Variants in COL11A1 observed in about 807,000 individuals in gnomAD.
COL11A1 encodes collagen type XI alpha 1 chain, also known as collagen alpha-1(XI) chain.
In COL11A1, 74 loss-of-function variants were observed where a neutral mutation model predicts 265.2. That is an observed-to-expected ratio of 0.28 (90% confidence interval 0.23 to 0.34). The LOEUF is 0.34. Among genes scored for constraint, COL11A1 ranks in the 10% least tolerant of loss-of-function variants. The probability of loss-of-function intolerance (pLI) is 1.00; values close to 1 mark genes in which losing one functional copy is unlikely to be tolerated. For missense variants in COL11A1, 2,165 were observed against 2,263.6 expected (o/e 0.96, Z 0.88); for synonymous variants, 816 against 727.6 (o/e 1.12, Z -1.96).
intron 44 of COL11A1, among the ~76,000 whole-genome samples, chr1:102,936,161 G>T (rs1658120761): frequency 6.6e-6 from 1 of 150,730 alleles, no homozygotes; most frequent in Non-Finnish European, 1.5e-5. Context: ...TTGAATATGT[G>T]TCTTTTCATA....
At chr1:102,933,872 C>A (rs542465312) in intron 46 of COL11A1, among the ~76,000 whole-genome samples, 1 of 152,316 alleles carries the variant, frequency 6.6e-6, no homozygotes, top group East Asian at 1.9e-4. Context: ...TCCGTCACCC[C>A]TTTCTTTGAC....
intron 5 of COL11A1, among the ~76,000 whole-genome samples, chr1:103,028,121 C>G (rs953553188): frequency 6.6e-6 from 1 of 152,056 alleles, no homozygotes; most frequent in Non-Finnish European, 1.5e-5. Context: ...ACCTCCACCT[C>G]CCGGGTTCAA....
rs754910566 is a variant in COL11A1, at chr1:102,970,208, A to T, written c.2862+11T>A. ...ATGGAAATTTTTAATAAGAGTAACA[A>T]GGTCACTTACAGTCTCCCCACGTTG... On this transcript the variant is annotated intron_variant, in intron 37 of 66. Coordinates refer to ENST00000370096, the MANE Select transcript of COL11A1 (RefSeq NM_001854.4). The T allele has an allele frequency of 1.9e-6, 3 of 1,611,414 alleles. No individual in the cohort carries two copies. The highest frequency in any genetic ancestry group is 2.7e-5 in the African/African-American group (2 of 74,876).
At chr1:102,910,767 C>G (rs1283674342) in intron 54 of COL11A1, among the ~76,000 whole-genome samples, 1 of 151,936 alleles carries the variant, frequency 6.6e-6, no homozygotes, top group South Asian at 2.1e-4. Flanking sequence ...ACACAATTTG[C>G]CCAACGTAAT....
intron 41 of COL11A1, among the ~76,000 whole-genome samples, chr1:102,947,212 T>C (rs1659385186): frequency 1.3e-5 from 2 of 151,696 alleles, no homozygotes. Context: ...ATTAGATGTA[T>C]TTAATATTTA....
intron 62 of COL11A1, 24 bp from the exon 63 acceptor site, chr1:102,887,080 C>A: frequency 6.2e-7 from 1 of 1,613,008 alleles, no homozygotes; most frequent in Non-Finnish European, 8.5e-7. Flanking sequence ...AATGTGAGTG[C>A]AATTGTTTCA....
intron 4 of COL11A1, among the ~76,000 whole-genome samples, chr1:103,041,527 G>A (rs567665482): frequency 1.1e-3 from 173 of 151,586 alleles, no homozygotes; most frequent in Non-Finnish European, 1.9e-3. Context: ...TTTAAAAATA[G>A]TCCCTTATTT....
At position 102,896,480 on chromosome 1, in the gene COL11A1, A is replaced by G. The variant is rs1341085806; in HGVS notation, c.4302+1645T>C. 3.3e-5 allele frequency among the ~76,000 whole-genome samples: 5 copies of G among 152,268 alleles called. No homozygotes were observed. In the South Asian group the frequency reaches 6.2e-4, roughly 19 times the overall value. ...AAGACCAAGTAGCATTTTCATTGAGATTACATATCACAAGTCAAGACTAAT... is the reference window on the plus strand; with the variant it reads ...AAGACCAAGTAGCATTTTCATTGAGGTTACATATCACAAGTCAAGACTAAT... On this transcript the variant is annotated intron_variant, in intron 57 of 66. Coordinates refer to ENST00000370096, the MANE Select transcript of COL11A1 (RefSeq NM_001854.4).
chr1:103,098,077 A>G (rs1367727928), intron 1 of COL11A1, among the ~76,000 whole-genome samples: 2 of 152,014 alleles, frequency 1.3e-5, no homozygotes, highest in Non-Finnish European at 2.9e-5. Flanking sequence ...TGTTAAAAAA[A>G]AGATGTATTA....
At chr1:102,933,609 G>T (rs939770535) in intron 46 of COL11A1, among the ~76,000 whole-genome samples, 1 of 152,170 alleles carries the variant, frequency 6.6e-6, no homozygotes, top group Non-Finnish European at 1.5e-5. Flanking sequence ...GAGCTGTGGT[G>T]GGCTCCACCC....
chr1:102,883,416 T>C, intron 63 of COL11A1, 105 bp from the exon 64 acceptor site: 1 of 762,536 alleles, frequency 1.3e-6, no homozygotes, highest in Non-Finnish European at 2.3e-6. Flanking sequence ...AAATACATAT[T>C]AATAGATCTT....
At chr1:103,055,735 A>G (rs1670193002) in intron 4 of COL11A1, among the ~76,000 whole-genome samples, 1 of 152,216 alleles carries the variant, frequency 6.6e-6, no homozygotes, top group African/African-American at 2.4e-5. Flanking sequence ...ACTAGCTTTC[A>G]TTAGTCTTAG....
chr1:102,995,879 T>G lies in COL11A1; in HGVS notation c.2325A>C (p.Gly775=), dbSNP rs779348315. The change falls in exon 28 of 67, where the codon GGA becomes GGC. Residue 775 remains glycine (G), a synonymous_variant. Transcript: ENST00000370096. The stretch of plus-strand genomic sequence containing the variant: ...TAAATTTTACCTTTTCACCTTTAGA[T>G]CCCTTGAGACCTCTGACACCATCTG... ...KGADGVRGLK[G]SKGEKGEDGF... 3.7e-5 allele frequency: 59 copies of G among 1,610,590 alleles called. 1 individual carries two copies. The South Asian group carries it at 6.2e-4, about 17-fold the overall frequency.
At chr1:103,006,943 C>T (rs1040240756) in intron 15 of COL11A1, among the ~76,000 whole-genome samples, 1 of 152,190 alleles carries the variant, frequency 6.6e-6, no homozygotes, top group Non-Finnish European at 1.5e-5. Flanking sequence ...GGAACACACT[C>T]TTAACTATCC....
chr1:102,938,683 T>A (rs1309804444), intron 44 of COL11A1, among the ~76,000 whole-genome samples: 1 of 152,084 alleles, frequency 6.6e-6, no homozygotes, highest in African/African-American at 2.4e-5. Context: ...TGGGAATAAG[T>A]GACCAATTTG....
chr1:103,085,528 CTT>C (rs10715378), intron 1 of COL11A1, among the ~76,000 whole-genome samples: 2 of 150,464 alleles, frequency 1.3e-5, no homozygotes, highest in Admixed American at 6.6e-5. Context: ...TGGGAACGGA[CTT>C]TTTTTTTTTC....
intron 18 of COL11A1, 137 bp downstream of exon 18, chr1:103,005,701 C>A: frequency 6.6e-6 from 6 of 909,988 alleles, no homozygotes; most frequent in Non-Finnish European, 1.0e-5. Flanking sequence ...TATTTTCCTT[C>A]TAGTATCTAT....
At chr1:103,063,683 T>C (rs1170211815) in intron 4 of COL11A1, among the ~76,000 whole-genome samples, 1 of 152,146 alleles carries the variant, frequency 6.6e-6, no homozygotes, top group Non-Finnish European at 1.5e-5. Context: ...CAAAGATATA[T>C]TCCATGAAAG....
intron 15 of COL11A1, among the ~76,000 whole-genome samples, chr1:103,006,596 G>A (rs937529168): frequency 2.4e-5 from 3 of 124,114 alleles, no homozygotes; most frequent in East Asian, 3.0e-4. Flanking sequence ...GGAGCCCAGC[G>A]GCGCGATCTC....
Sources: gnomAD v4.1 joint callset for allele counts (sites outside exome capture counted in the v4.1 genomes callset) on GRCh38, gnomAD v4.1.1 for gene constraint, MANE v1.5 for transcripts, NCBI Gene and HGNC (gene_info 2026-07-23, HGNC 2026-07-21) for gene names.